GPBP1: variants seen among roughly 807,000 people sequenced by gnomAD.
The protein encoded by GPBP1 is GC-rich promoter binding protein 1.
Under a neutral mutation model 56.5 loss-of-function variants are expected in GPBP1, and 13 were observed. The observed-to-expected ratio is 0.23, with a 90% CI of 0.15 to 0.37. GPBP1 has a LOEUF of 0.37. Among genes scored for constraint, GPBP1 ranks in the 10% least tolerant of loss-of-function variants. The pLI is 1.00. For missense variants in GPBP1, 477 were observed against 572.3 expected (o/e 0.83, Z 1.70); for synonymous variants, 204 against 188.9 (o/e 1.08, Z -0.66).
At chr5:57,187,030 G>A (rs1196494366) in intron 2 of GPBP1, among the ~76,000 whole-genome samples, 2 of 151,388 alleles carry the variant, frequency 1.3e-5, no homozygotes, top group African/African-American at 4.9e-5. Context: ...GTGTGTGTGT[G>A]TGTGTGTGTA....
At chr5:57,242,605 TG>T (rs919368846) in intron 6 of GPBP1, among the ~76,000 whole-genome samples, 4 of 152,132 alleles carry the variant, frequency 2.6e-5, no homozygotes, top group African/African-American at 9.7e-5. Context: ...GCGATCTTCC[TG>T]CCTCATTTTT....
At chr5:57,200,620 G>GCCTCCCAA (rs1754973884) in intron 2 of GPBP1, among the ~76,000 whole-genome samples, 1 of 151,784 alleles carries the variant, frequency 6.6e-6, no homozygotes, top group Admixed American at 6.6e-5. Flanking sequence ...TCCCGCCTCG[G>GCCTCCCAA]CCTCCCAAAA....
intron 10 of GPBP1, among the ~76,000 whole-genome samples, chr5:57,257,870 T>C (rs556820196): frequency 1.3e-5 from 2 of 152,228 alleles, no homozygotes; most frequent in African/African-American, 2.4e-5. Context: ...ATGGTGTATA[T>C]ACCTAGTTTG....
chr5:57,193,080 G>A (rs554917017), intron 2 of GPBP1, among the ~76,000 whole-genome samples: 14 of 152,170 alleles, frequency 9.2e-5, no homozygotes, highest in Non-Finnish European at 1.5e-5. Flanking sequence ...ACTTTGGGAC[G>A]CCAAGGCGAG....
At chr5:57,207,389 T>C in intron 2 of GPBP1, among the ~76,000 whole-genome samples, 1 of 152,146 alleles carries the variant, frequency 6.6e-6, no homozygotes, top group Non-Finnish European at 1.5e-5. Context: ...GCAGGGCATG[T>C]GATGGGGGTG....
At chr5:57,253,538 C>G (rs1003518349) in intron 10 of GPBP1, among the ~76,000 whole-genome samples, 2 of 152,150 alleles carry the variant, frequency 1.3e-5, no homozygotes, top group Non-Finnish European at 2.9e-5. Context: ...CTACATGAGG[C>G]CAAACATTTT....
At chr5:57,184,587 G>A (rs1038891725) in intron 2 of GPBP1, among the ~76,000 whole-genome samples, 3 of 152,164 alleles carry the variant, frequency 2.0e-5, no homozygotes, top group East Asian at 1.9e-4. Context: ...GGAGGGATCC[G>A]CTTGCACAGT....
chr5:57,230,083 A>C (rs567369396), intron 3 of GPBP1, among the ~76,000 whole-genome samples: 2 of 151,808 alleles, frequency 1.3e-5, no homozygotes, highest in African/African-American at 4.8e-5. Context: ...GGCATGTGCC[A>C]CCACACCTGG....
At chr5:57,228,011 T>C (rs1000061150) in intron 3 of GPBP1, among the ~76,000 whole-genome samples, 1 of 152,230 alleles carries the variant, frequency 6.6e-6, no homozygotes, top group Non-Finnish European at 1.5e-5. Context: ...AGAAATAAAG[T>C]TGCTAGATAA....
intron 10 of GPBP1, among the ~76,000 whole-genome samples, chr5:57,259,711 G>A (rs1000213535): frequency 1.1e-4 from 16 of 152,210 alleles, no homozygotes; most frequent in Admixed American, 7.9e-4. Flanking sequence ...TTGCAAAGGT[G>A]CCCTTGTTTG....
rs924459809 is a variant in GPBP1, at chr5:57,176,043, G to A, written c.-415G>A. ...AGCTATGTGTGTCTCTGTATATGCT[G>A]ATGTTTAGGAATGCTCTTCAGATGT... On this transcript the variant is annotated 5_prime_UTR_variant, in exon 2 of 12. Coordinates refer to ENST00000506184, the MANE Select transcript of GPBP1 (RefSeq NM_022913.4). 1 of 398,368 alleles carries A rather than the reference G, an allele frequency of 2.5e-6. No individual in the cohort carries two copies. Among genetic ancestry groups the A allele is most frequent in the Non-Finnish European group, 4.4e-6 (1 of 226,030 alleles). 24.7% of individuals were successfully genotyped at this position (398,368 alleles called of 1,614,324 possible).
chr5:57,210,955 C>T (rs1279285808), intron 2 of GPBP1, among the ~76,000 whole-genome samples: 1 of 152,132 alleles, frequency 6.6e-6, no homozygotes, highest in Non-Finnish European at 1.5e-5. Flanking sequence ...AATATTGCTA[C>T]ATTTGAGGTA....
chr5:57,176,515 GT>G (rs1337475502), intron 2 of GPBP1, 115 bp downstream of exon 2: 1 of 152,236 alleles, frequency 6.6e-6, no homozygotes, highest in Non-Finnish European at 1.5e-5. Flanking sequence ...ACATTGCTTG[GT>G]TTCAGTTTCC....
intron 3 of GPBP1, among the ~76,000 whole-genome samples, chr5:57,230,267 T>A (rs1756393889): frequency 6.6e-6 from 1 of 152,210 alleles, no homozygotes; most frequent in Non-Finnish European, 1.5e-5. Flanking sequence ...GTTGGAAGTT[T>A]TGATTGTGGT....
chr5:57,237,399 T>A (rs1740573875), intron 6 of GPBP1: 1 of 501,668 alleles, frequency 2.0e-6, no homozygotes, highest in African/African-American at 1.9e-5. Flanking sequence ...TAGAAATGAT[T>A]TAGAGACAAA....
At chr5:57,255,726 C>T (rs1007680161) in intron 10 of GPBP1, among the ~76,000 whole-genome samples, 1 of 152,176 alleles carries the variant, frequency 6.6e-6, no homozygotes, top group African/African-American at 2.4e-5. Flanking sequence ...ACAGTTGGCC[C>T]ATACCTTTAG....
chr5:57,250,896 A>G (rs1007080317), intron 9 of GPBP1, 58 bp from the exon 10 acceptor site: 3 of 1,185,946 alleles, frequency 2.5e-6, no homozygotes, highest in African/African-American at 3.2e-5. Flanking sequence ...AAAAGTTTTT[A>G]ATAACTGTAT....
intron 3 of GPBP1, among the ~76,000 whole-genome samples, chr5:57,219,851 G>C (rs1033811286): frequency 1.3e-5 from 2 of 151,984 alleles, no homozygotes; most frequent in African/African-American, 2.4e-5. Flanking sequence ...TTGGGAGTTC[G>C]AGACCAGCTG....
chr5:57,229,019 C>T (rs1177781528), intron 3 of GPBP1, among the ~76,000 whole-genome samples: 1 of 151,896 alleles, frequency 6.6e-6, no homozygotes, highest in Non-Finnish European at 1.5e-5. Flanking sequence ...CACTTGAAGT[C>T]AGGAGTTGAA....
Sources: gnomAD v4.1 joint callset for allele counts (sites outside exome capture counted in the v4.1 genomes callset) on GRCh38, gnomAD v4.1.1 for gene constraint, MANE v1.5 for transcripts, NCBI Gene and HGNC (gene_info 2026-07-23, HGNC 2026-07-21) for gene names.